The following SLC14A2 variants were observed in gnomAD, a reference collection of about 807,000 sequenced individuals.
The protein encoded by SLC14A2 is urea transporter 2.
Under a neutral mutation model 104.6 loss-of-function variants are expected in SLC14A2, and 91 were observed. The observed-to-expected ratio is 0.87, with a 90% CI of 0.73 to 1.04. SLC14A2 has a LOEUF of 1.04. Ranked by LOEUF, SLC14A2 falls within the 50% of genes least tolerant of loss-of-function variation. The pLI is 0.00. For missense variants in SLC14A2, 1,189 were observed against 1,156.0 expected (o/e 1.03, Z -0.41); for synonymous variants, 476 against 466.4 (o/e 1.02, Z -0.27).
rs116776902 is a variant in SLC14A2, at chr18:45,449,866, C to T, written c.-124-33367C>T. Among the ~76,000 whole-genome samples, 1,032 of 152,276 alleles carry T rather than the reference C, an allele frequency of 6.8e-3. 10 individuals are homozygous for T. Among genetic ancestry groups the T allele is most frequent in the African/African-American group, 0.023 (966 of 41,550 alleles). ...TAGAGAGCTGTTTCTAGGCGACCAA[C>T]AGATTGGTCATAGATCATGTGTGCT... On this transcript the variant is annotated intron_variant, in intron 1 of 20. Transcript: ENST00000586448.
At chr18:45,317,720 C>A (rs2085143776) in intron 1 of SLC14A2, among the ~76,000 whole-genome samples, 2 of 152,208 alleles carry the variant, frequency 1.3e-5, no homozygotes, top group Non-Finnish European at 2.9e-5. Flanking sequence ...TTTTGCCATC[C>A]TTTTTGGGTT....
At chr18:45,373,246 GA>G (rs1237047027) in intron 1 of SLC14A2, among the ~76,000 whole-genome samples, 1 of 151,902 alleles carries the variant, frequency 6.6e-6, no homozygotes, top group Non-Finnish European at 1.5e-5. Flanking sequence ...CTCTTAGTAG[GA>G]AAAAATATCC....
At chr18:45,395,088 T>G (rs963872326) in intron 1 of SLC14A2, among the ~76,000 whole-genome samples, 1 of 152,222 alleles carries the variant, frequency 6.6e-6, no homozygotes, top group Non-Finnish European at 1.5e-5. Context: ...GCTTTCATGT[T>G]TATTGCAACA....
chr18:45,462,327 G>A (rs184751898), intron 1 of SLC14A2, among the ~76,000 whole-genome samples: 2 of 152,120 alleles, frequency 1.3e-5, no homozygotes, highest in African/African-American at 2.4e-5. Flanking sequence ...GCCAACTTGC[G>A]GGAACCAAGC....
chr18:45,535,228 TA>T (rs1209941841), intron 2 of SLC14A2, among the ~76,000 whole-genome samples: 3 of 152,206 alleles, frequency 2.0e-5, no homozygotes, highest in African/African-American at 7.2e-5. Context: ...TAGCACTACA[TA>T]ACACTTGCTA....
intron 2 of SLC14A2, among the ~76,000 whole-genome samples, chr18:45,537,755 G>A (rs936537137): frequency 6.6e-6 from 1 of 152,152 alleles, no homozygotes; most frequent in African/African-American, 2.4e-5. Flanking sequence ...ATGGAAGCTG[G>A]TAGCAAGCAT....
At chr18:45,215,228 A>G (rs2083999620) in intron 1 of SLC14A2, among the ~76,000 whole-genome samples, 1 of 152,240 alleles carries the variant, frequency 6.6e-6, no homozygotes. Context: ...TTAAGAATCA[A>G]TATTCACCTG....
intron 2 of SLC14A2, among the ~76,000 whole-genome samples, chr18:45,590,028 T>C (rs1017154094): frequency 3.3e-5 from 5 of 152,196 alleles, no homozygotes; most frequent in African/African-American, 9.7e-5. Context: ...GGTGAATATC[T>C]CATTTTGACC....
rs772460553 is a variant in SLC14A2 at position 45,667,981 on chromosome 18, C to T, written c.1866C>T (p.Thr622=). Reference sequence around the variant, plus strand: ...GGGCGATCTCAGGCTGCCTGGGTACCATCATGTCCACCTTGACAGCCCTCA... The same window carrying T: ...GGGCGATCTCAGGCTGCCTGGGTACTATCATGTCCACCTTGACAGCCCTCA... The part of the protein sequence containing the change: ...PWWAISGCLG[T]IMSTLTALIL... The change falls in exon 14 of 20, where the codon ACC becomes ACT. Residue 622 remains threonine, a synonymous_variant. Transcript: ENST00000255226. The T allele has an allele frequency of 6.2e-7, 1 of 1,613,994 alleles. No homozygotes were observed. Among genetic ancestry groups the T allele is most frequent in the African/African-American group, 1.3e-5 (1 of 74,892 alleles).
At chr18:45,486,548 G>T (rs2087610001) in intron 2 of SLC14A2, among the ~76,000 whole-genome samples, 1 of 152,120 alleles carries the variant, frequency 6.6e-6, no homozygotes, top group Admixed American at 6.6e-5. Flanking sequence ...AAAGCAAAAT[G>T]ACAAAATCTA....
intron 1 of SLC14A2, among the ~76,000 whole-genome samples, chr18:45,330,313 G>C (rs562195188): frequency 1.3e-5 from 2 of 152,338 alleles, no homozygotes; most frequent in African/African-American, 2.4e-5. Context: ...AGCCTGTCCA[G>C]CTGGACTTGA....
chr18:45,218,196 G>A (rs1391651548), intron 1 of SLC14A2, among the ~76,000 whole-genome samples: 1 of 151,982 alleles, frequency 6.6e-6, no homozygotes, highest in Non-Finnish European at 1.5e-5. Context: ...TTAGCCCATG[G>A]CAACCACCAT....
chr18:45,284,462 T>G (rs967412833), intron 1 of SLC14A2, among the ~76,000 whole-genome samples: 1 of 152,152 alleles, frequency 6.6e-6, no homozygotes, highest in Non-Finnish European at 1.5e-5. Context: ...GCTCTAGGTC[T>G]CTACTCCATG....
chr18:45,574,180 G>A (rs761479200), intron 2 of SLC14A2, among the ~76,000 whole-genome samples: 13 of 152,152 alleles, frequency 8.5e-5, no homozygotes, highest in African/African-American at 1.2e-4. Context: ...TTGCCTGCAC[G>A]TGCATGTGTG....
intron 1 of SLC14A2, among the ~76,000 whole-genome samples, chr18:45,295,107 A>C (rs1410742911): frequency 6.6e-6 from 1 of 152,170 alleles, no homozygotes; most frequent in Non-Finnish European, 1.5e-5. Context: ...GCTCTTGCAG[A>C]GCAAAGTGGT....
Position 45,683,135 on chromosome 18 carries a change from G to T in SLC14A2, c.*616G>T, listed in dbSNP as rs3786395. The T allele has an allele frequency of 0.16, 24,400 of 154,376 alleles. 2,220 individuals carry two copies. The highest frequency in any genetic ancestry group is 0.39 in the East Asian group (2,007 of 5,186). 9.6% of individuals were successfully genotyped at this position (154,376 alleles called of 1,614,324 possible). ...GGAAGTCACCAAGAAAGGGATAGAG[G>T]TCAGTGACATGGTCATCACACAACT... On this transcript the variant is annotated 3_prime_UTR_variant, in exon 20 of 20. Transcript: ENST00000255226.
chr18:45,337,061 G>A (rs1213381375), intron 1 of SLC14A2, among the ~76,000 whole-genome samples: 2 of 151,596 alleles, frequency 1.3e-5, no homozygotes, highest in Non-Finnish European at 2.9e-5. Flanking sequence ...TTATATAACC[G>A]TGTATTGGGT....
At chr18:45,242,258 T>C (rs1013316348) in intron 1 of SLC14A2, among the ~76,000 whole-genome samples, 3 of 152,190 alleles carry the variant, frequency 2.0e-5, no homozygotes, top group Non-Finnish European at 2.9e-5. Flanking sequence ...ACTCTCTTTA[T>C]GGCTTACTTT....
chr18:45,204,670 C>T, the SLC14A2 span, among the ~76,000 whole-genome samples: 3 of 152,108 alleles, frequency 2.0e-5, no homozygotes, highest in South Asian at 4.2e-4. Flanking sequence ...AATTTATGGC[C>T]TTATATTCAG....
Sources: gnomAD v4.1 joint callset for allele counts (sites outside exome capture counted in the v4.1 genomes callset) on GRCh38, gnomAD v4.1.1 for gene constraint, MANE v1.5 for transcripts, NCBI Gene and HGNC (gene_info 2026-07-23, HGNC 2026-07-21) for gene names.